The following BLTP3B variants were observed in gnomAD, a reference collection of about 807,000 sequenced individuals.
The protein encoded by BLTP3B is UHRF1 (ICBP90) binding protein 1-like.
the BLTP3B span, among the ~76,000 whole-genome samples, chr12:100,109,601 T>C: frequency 6.6e-6 from 1 of 151,888 alleles, no homozygotes; most frequent in East Asian, 1.9e-4. Context: ...TGGTCTCTAC[T>C]AAAAATACAA....
At chr12:100,129,709 GAGA>G in the BLTP3B span, among the ~76,000 whole-genome samples, 10 of 152,160 alleles carry the variant, frequency 6.6e-5, no homozygotes, top group Non-Finnish European at 1.2e-4. Flanking sequence ...ATAAAGCTGA[GAGA>G]AGAAGGCCTA....
At chr12:100,052,551 T>A in the BLTP3B span, among the ~76,000 whole-genome samples, 1 of 151,698 alleles carries the variant, frequency 6.6e-6, no homozygotes, top group East Asian at 1.9e-4. Flanking sequence ...CAGACTGAGA[T>A]GGAAAAGTTT....
the BLTP3B span, among the ~76,000 whole-genome samples, chr12:100,060,490 A>G: frequency 0.057 from 8,707 of 152,194 alleles, 820 homozygotes; most frequent in African/African-American, 0.2. Flanking sequence ...ATCTTAATCT[A>G]TATCTTCTAA....
chr12:100,111,277 A>ATTTTTTTTTT, the BLTP3B span, among the ~76,000 whole-genome samples: 16 of 94,772 alleles, frequency 1.7e-4, no homozygotes, highest in Admixed American at 4.7e-4. Context: ...GGGGTTTTAG[A>ATTTTTTTTTT]TTTTTTTTTT....
At chr12:100,129,704 G>C in the BLTP3B span, among the ~76,000 whole-genome samples, 1 of 152,142 alleles carries the variant, frequency 6.6e-6, no homozygotes, top group Admixed American at 6.5e-5. Context: ...CTAAAATAAA[G>C]CTGAGAGAAG....
At chr12:100,040,046 T>TA in the BLTP3B span, among the ~76,000 whole-genome samples, 6 of 152,206 alleles carry the variant, frequency 3.9e-5, no homozygotes, top group African/African-American at 1.4e-4. Flanking sequence ...ATTATGTTTT[T>TA]ATATTAAAGG....
chr12:100,117,666 C>A, the BLTP3B span, among the ~76,000 whole-genome samples: 1 of 151,894 alleles, frequency 6.6e-6, no homozygotes, highest in Admixed American at 6.6e-5. Flanking sequence ...ACGTCCAGCT[C>A]ATTTTTAATT....
chr12:100,067,552 T>G, the BLTP3B span, among the ~76,000 whole-genome samples: 1 of 152,154 alleles, frequency 6.6e-6, no homozygotes, highest in African/African-American at 2.4e-5. Context: ...AAGGCAACTA[T>G]GAACATCTTT....
chr12:100,122,379 AG>A, the BLTP3B span, among the ~76,000 whole-genome samples: 10 of 152,216 alleles, frequency 6.6e-5, no homozygotes, highest in African/African-American at 2.4e-4. Context: ...GTCACACTAA[AG>A]TAGAGCCCAG....
the BLTP3B span, among the ~76,000 whole-genome samples, chr12:100,038,388 T>C: frequency 6.6e-6 from 1 of 152,184 alleles, no homozygotes; most frequent in Admixed American, 6.5e-5. Flanking sequence ...CAGGCTGGAA[T>C]ACAATGGCGC....
At chr12:100,136,039 C>A in the BLTP3B span, among the ~76,000 whole-genome samples, 89 of 151,994 alleles carry the variant, frequency 5.9e-4, no homozygotes, top group African/African-American at 1.9e-3. Context: ...GGTGAAACCC[C>A]GTCTCTACTA....
the BLTP3B span, among the ~76,000 whole-genome samples, chr12:100,102,408 A>G: frequency 0.24 from 36,189 of 152,058 alleles, 5,855 homozygotes; most frequent in African/African-American, 0.46. Context: ...CACCGCTCCC[A>G]GCCTCCCAAC....
At chr12:100,044,870 C>T in the BLTP3B span, among the ~76,000 whole-genome samples, 1 of 152,178 alleles carries the variant, frequency 6.6e-6, no homozygotes, top group African/African-American at 2.4e-5. Context: ...AGCCCAAAAT[C>T]TCCTTAAGCT....
the BLTP3B span, among the ~76,000 whole-genome samples, chr12:100,093,324 A>G: frequency 6.6e-6 from 1 of 152,186 alleles, no homozygotes; most frequent in African/African-American, 2.4e-5. Context: ...GTTCACATAA[A>G]TAGACAGATT....
At chr12:100,052,456 G>A in the BLTP3B span, among the ~76,000 whole-genome samples, 11 of 151,858 alleles carry the variant, frequency 7.2e-5, no homozygotes, top group Non-Finnish European at 1.0e-4. Flanking sequence ...AAAATAAAGC[G>A]AAGAGTTATC....
chr12:100,140,727 A>ATATATATATATATATAT, the BLTP3B span, among the ~76,000 whole-genome samples: 1 of 87,426 alleles, frequency 1.1e-5, no homozygotes, highest in African/African-American at 6.6e-5. Flanking sequence ...AAAAAAAAAA[A>ATATATATATATATATAT]AAATATATAT....
the BLTP3B span, chr12:100,059,175 A>C: frequency 6.2e-7 from 1 of 1,614,124 alleles, no homozygotes; most frequent in Non-Finnish European, 8.5e-7. Flanking sequence ...ATCTATCCAA[A>C]ATTGAGAAAA....
the BLTP3B span, among the ~76,000 whole-genome samples, chr12:100,095,003 T>C: frequency 6.6e-6 from 1 of 152,182 alleles, no homozygotes; most frequent in South Asian, 2.1e-4. Context: ...TTACTAGAGG[T>C]AGATATAAAA....
At chr12:100,057,526 G>A in the BLTP3B span, 1 of 1,518,510 alleles carries the variant, frequency 6.6e-7, no homozygotes, top group African/African-American at 1.4e-5. Context: ...TTCTCCTAAG[G>A]TGTATGTACG....
Sources: allele counts gnomAD v4.1 joint callset (sites outside exome capture counted in the v4.1 genomes callset), GRCh38; gene constraint gnomAD v4.1.1; transcripts MANE v1.5; gene names NCBI Gene and HGNC (gene_info 2026-07-23, HGNC 2026-07-21).